The following SPATA13 variants were observed in gnomAD, a reference collection of about 807,000 sequenced individuals.
The protein encoded by SPATA13 is spermatogenesis-associated protein 13.
SPATA13 carries 50 observed loss-of-function variants against 104.0 expected under a neutral mutation model. That is an observed-to-expected ratio of 0.48 (90% CI 0.38 to 0.61). SPATA13 has a LOEUF of 0.61. Ranked by LOEUF, SPATA13 falls within the 20% of genes least tolerant of loss-of-function variation. The pLI, the probability that SPATA13 is intolerant of heterozygous loss-of-function variation, is 0.00. For missense variants in SPATA13, 1,524 were observed against 1,690.6 expected (o/e 0.90, Z 1.73); for synonymous variants, 606 against 667.5 (o/e 0.91, Z 1.42).
intron 2 of SPATA13, among the ~76,000 whole-genome samples, chr13:24,008,498 A>C (rs1171188409): frequency 6.6e-6 from 1 of 152,092 alleles, no homozygotes; most frequent in Non-Finnish European, 1.5e-5. Flanking sequence ...ACAGCTCTCC[A>C]GGTGGACGGT....
intron 3 of SPATA13, chr13:24,123,221 G>T (rs1301752087): frequency 2.0e-5 from 31 of 1,581,930 alleles, no homozygotes; most frequent in Non-Finnish European, 2.6e-5. Context: ...TTTCTTGATT[G>T]CTGATCAATA....
chr13:24,257,384 T>C (rs1873842903), intron 4 of SPATA13, among the ~76,000 whole-genome samples: 1 of 152,210 alleles, frequency 6.6e-6, no homozygotes, highest in Admixed American at 6.5e-5. Flanking sequence ...GTCTGTTACA[T>C]TTCTTGAAAG....
At chr13:24,122,503 A>G in intron 3 of SPATA13, 10 of 1,607,530 alleles carry the variant, frequency 6.2e-6, no homozygotes, top group Non-Finnish European at 8.5e-6. Flanking sequence ...ATCTTCATCA[A>G]TATCATCTTC....
rs1399149776 is a variant in SPATA13 at position 24,305,701 on chromosome 13, C to A, written c.*2928C>A. 6.6e-6 allele frequency: 1 copy of A among 152,096 alleles called. No homozygotes were observed. The highest frequency in any genetic ancestry group is 2.4e-5 in the African/African-American group (1 of 41,416). 9.4% of individuals were successfully genotyped at this position (152,096 alleles called of 1,614,324 possible). Reference sequence around the variant, plus strand: ...TACTTTACATAATATTATAGATGGGCCAAGAAAAGAAAAGATGACATAACA... The same window carrying A: ...TACTTTACATAATATTATAGATGGGACAAGAAAAGAAAAGATGACATAACA... On this transcript the variant is annotated 3_prime_UTR_variant, in exon 13 of 13. Transcript: ENST00000382108.
At chr13:24,198,195 G>C (rs184641619) in intron 1 of SPATA13, among the ~76,000 whole-genome samples, 1 of 152,016 alleles carries the variant, frequency 6.6e-6, no homozygotes, top group Admixed American at 6.6e-5. Flanking sequence ...GGGTTTCACT[G>C]TGTTGGCCAG....
intron 2 of SPATA13, among the ~76,000 whole-genome samples, chr13:23,985,401 G>C (rs1875104651): frequency 6.6e-6 from 1 of 152,266 alleles, no homozygotes; most frequent in Non-Finnish European, 1.5e-5. Flanking sequence ...TCAGTGGCCA[G>C]AGGCCCAGAT....
At chr13:24,007,190 G>A (rs1202812986) in intron 2 of SPATA13, among the ~76,000 whole-genome samples, 1 of 152,256 alleles carries the variant, frequency 6.6e-6, no homozygotes, top group Non-Finnish European at 1.5e-5. Context: ...TTGCCTGGTG[G>A]CCCTGAGGCT....
At chr13:24,040,474 G>A (rs2137727919) in intron 3 of SPATA13, among the ~76,000 whole-genome samples, 1 of 152,286 alleles carries the variant, frequency 6.6e-6, no homozygotes, top group South Asian at 2.1e-4. Context: ...AGGAAACCAG[G>A]TGTAACTACA....
chr13:24,130,730 C>A (rs1299831775), intron 3 of SPATA13, among the ~76,000 whole-genome samples: 2 of 152,208 alleles, frequency 1.3e-5, no homozygotes, highest in South Asian at 2.1e-4. Context: ...AAGAAGTAAC[C>A]ACTTACCAGA....
intron 3 of SPATA13, among the ~76,000 whole-genome samples, chr13:24,079,117 A>G (rs375801916): frequency 6.6e-5 from 10 of 152,298 alleles, no homozygotes; most frequent in African/African-American, 1.9e-4. Context: ...AGGCAGTGGC[A>G]GAAGGGAAGA....
At chr13:24,076,235 G>T (rs547911303) in intron 3 of SPATA13, among the ~76,000 whole-genome samples, 1 of 152,302 alleles carries the variant, frequency 6.6e-6, no homozygotes, top group South Asian at 2.1e-4. Context: ...CACAGGTGCA[G>T]TTCTTAAAAG....
chr13:24,120,900 G>T (rs1012939917), intron 3 of SPATA13, among the ~76,000 whole-genome samples: 1 of 152,208 alleles, frequency 6.6e-6, no homozygotes, highest in African/African-American at 2.4e-5. Flanking sequence ...CAGGTACTGC[G>T]CTGTCACGAA....
At chr13:24,093,995 T>C (rs1331266486) in intron 3 of SPATA13, among the ~76,000 whole-genome samples, 1 of 152,172 alleles carries the variant, frequency 6.6e-6, no homozygotes, top group Non-Finnish European at 1.5e-5. Flanking sequence ...AGGCCATGCC[T>C]GGAAGAATGG....
intron 4 of SPATA13, among the ~76,000 whole-genome samples, chr13:24,257,814 T>C (rs115230096): frequency 0.015 from 2,301 of 152,212 alleles, 56 homozygotes; most frequent in Admixed American, 0.046. Context: ...CAACCAAAAA[T>C]TGAGTCCTTT....
In SPATA13 at chr13:24,223,127, A is replaced by G; in HGVS notation, c.198A>G (p.Lys66=). The G allele has an allele frequency of 1.3e-6, 2 of 1,551,688 alleles. No individual in the cohort carries two copies. Among genetic ancestry groups the G allele is most frequent in the Non-Finnish European group, 1.7e-6 (2 of 1,147,002 alleles). Residue 66 remains lysine, a synonymous_variant, in exon 2 of 13, where the codon AAA becomes AAG. Coordinates refer to ENST00000382108, the MANE Select transcript of SPATA13 (RefSeq NM_001166271.3). ...PGGDTDTQEA[K]LSPAKLVRLF... ...GCGACACGGACACCCAGGAAGCCAA[A>G]CTCAGCCCAGCCAAGCTTGTGCGCC...
At chr13:24,218,803 AAAGCCAG>A (rs1334895566) in intron 1 of SPATA13, among the ~76,000 whole-genome samples, 39 of 151,700 alleles carry the variant, frequency 2.6e-4, no homozygotes, top group African/African-American at 9.2e-4. Flanking sequence ...GTGACCCAGG[AAAGCCAG>A]AAGGTTAGAC....
chr13:24,282,545 C>T (rs1017289191), intron 4 of SPATA13, among the ~76,000 whole-genome samples: 4 of 151,978 alleles, frequency 2.6e-5, no homozygotes, highest in African/African-American at 9.7e-5. Flanking sequence ...AGCTTGGCCT[C>T]CCAACATGGA....
intron 3 of SPATA13, among the ~76,000 whole-genome samples, chr13:24,040,062 A>G (rs1003601334): frequency 2.6e-5 from 4 of 152,222 alleles, no homozygotes; most frequent in Non-Finnish European, 2.9e-5. Context: ...GCATATTCAG[A>G]TGATCATTTT....
At chr13:24,267,625 T>A (rs1037403698) in intron 4 of SPATA13, among the ~76,000 whole-genome samples, 9 of 152,004 alleles carry the variant, frequency 5.9e-5, no homozygotes, top group African/African-American at 1.4e-4. Context: ...AAAAAAAAAA[T>A]TTTTGTAGAA....
Sources: allele counts gnomAD v4.1 joint callset (sites outside exome capture counted in the v4.1 genomes callset), GRCh38; gene constraint gnomAD v4.1.1; transcripts MANE v1.5; gene names NCBI Gene and HGNC (gene_info 2026-07-23, HGNC 2026-07-21).